The following KANK1 variants were observed in gnomAD, a reference collection of about 807,000 sequenced individuals.
KANK1 encodes KN motif and ankyrin repeat domain-containing protein 1.
Under a neutral mutation model 106.2 loss-of-function variants are expected in KANK1, and 109 were observed. That is an observed-to-expected ratio of 1.03 (90% CI 0.88 to 1.20). KANK1 has a LOEUF of 1.20. Among genes scored for constraint, KANK1 ranks in the 50% most tolerant of loss-of-function variants. The probability of loss-of-function intolerance (pLI) is 0.00; values close to 1 mark genes in which losing one functional copy is unlikely to be tolerated. For synonymous variants in KANK1, 873 were observed against 652.2 expected (o/e 1.34, Z -5.16); for missense variants, 2,399 against 1,710.7 (o/e 1.40, Z -7.10).
At chr9:741,029 CT>C in intron 9 of KANK1, 95 bp downstream of exon 9, 1 of 1,405,944 alleles carries the variant, frequency 7.1e-7, no homozygotes, top group Admixed American at 2.1e-5. Flanking sequence ...AGATGCCACG[CT>C]TCCACCACAG....
chr9:636,693 C>T (rs1168874855), intron 1 of KANK1, among the ~76,000 whole-genome samples: 1 of 152,102 alleles, frequency 6.6e-6, no homozygotes, highest in East Asian at 1.9e-4. Context: ...TAATGAAACC[C>T]CATATCTACT....
rs1020165368 is a variant in KANK1, at chr9:592,540, G to A, written c.-83-84350G>A. ...GTCTAAGTACGTTTTTTCATCCATCGCTCAGCCAGAATCTGCCGGTCAGAC... is the reference window on the plus strand; with the variant it reads ...GTCTAAGTACGTTTTTTCATCCATCACTCAGCCAGAATCTGCCGGTCAGAC... On this transcript the variant is annotated intron_variant, in intron 1 of 11. Coordinates refer to ENST00000382297, the MANE Select transcript of KANK1 (RefSeq NM_015158.5). Among the ~76,000 whole-genome samples the A allele has an allele frequency of 2.0e-5, 3 of 151,702 alleles. 1 individual carries two copies. The highest frequency in any genetic ancestry group is 4.9e-5 in the African/African-American group (2 of 41,036).
chr9:481,290 C>CA lies in KANK1; in HGVS notation c.-362+8021dup, dbSNP rs1355419120. Among the ~76,000 whole-genome samples the CA allele has an allele frequency of 4.1e-3, 559 of 137,214 alleles. 5 individuals are homozygous for CA. The highest frequency in any genetic ancestry group is 0.014 in the African/African-American group (502 of 36,232). 90.0% of individuals were successfully genotyped at this position (137,214 alleles called of 152,430 possible). On this transcript the variant is annotated intron_variant, in intron 3 of 15. Transcript: ENST00000382303. ...AGACTATCTGTATTTAAAAACAAAA[C>CA]AAAACAAAAAAAAACCCAAAAACAA...
chr9:660,212 C>T (rs1175959498), intron 1 of KANK1: 3 of 267,924 alleles, frequency 1.1e-5, no homozygotes, highest in South Asian at 5.0e-5. Flanking sequence ...TGTAATTGAG[C>T]ATCCAGAATA....
chr9:555,528 A>G (rs10113892), intron 1 of KANK1, among the ~76,000 whole-genome samples: 2 of 152,182 alleles, frequency 1.3e-5, no homozygotes, highest in African/African-American at 4.8e-5. Flanking sequence ...TAGTTTGTAT[A>G]TGATGGGGAT....
chr9:549,115 G>C (rs2134030279), intron 1 of KANK1: 1 of 151,476 alleles, frequency 6.6e-6, no homozygotes, highest in East Asian at 1.9e-4. Flanking sequence ...AGAAAAACAG[G>C]ACAAAGAAAC....
chr9:741,569 G>A (rs942102335), intron 9 of KANK1, among the ~76,000 whole-genome samples: 1 of 149,766 alleles, frequency 6.7e-6, no homozygotes, highest in Non-Finnish European at 1.5e-5. Context: ...CTCACTGGAA[G>A]CTCTGCCTCC....
intron 1 of KANK1, among the ~76,000 whole-genome samples, chr9:606,912 G>A (rs1191071622): frequency 1.3e-5 from 2 of 151,640 alleles, no homozygotes; most frequent in African/African-American, 4.9e-5. Flanking sequence ...AATGAGATAA[G>A]GCAGGCTACT....
chr9:526,272 TAGGAGCTGGTG>T (rs1465986799), intron 1 of KANK1, among the ~76,000 whole-genome samples: 1 of 151,504 alleles, frequency 6.6e-6, no homozygotes, highest in East Asian at 1.9e-4. Flanking sequence ...AGCCCACAGG[TAGGAGCTGGTG>T]GGCAGCACCA....
chr9:516,644 A>C (rs1307400294), intron 1 of KANK1, among the ~76,000 whole-genome samples: 1 of 151,582 alleles, frequency 6.6e-6, no homozygotes, highest in East Asian at 1.9e-4. Context: ...TGCAGTGCAG[A>C]GACACTGGCT....
chr9:552,189 G>C (rs931278243), intron 1 of KANK1, among the ~76,000 whole-genome samples: 3 of 152,216 alleles, frequency 2.0e-5, no homozygotes, highest in African/African-American at 7.2e-5. Flanking sequence ...GGTGCTCTGA[G>C]GGGGAAAAGC....
At position 658,603 on chromosome 9, in the gene KANK1, A is replaced by G. The variant is rs112271524; in HGVS notation, c.-83-18287A>G. Among the ~76,000 whole-genome samples, 168 of 151,996 alleles carry G rather than the reference A, an allele frequency of 1.1e-3. 1 individual carries two copies. The highest frequency in any genetic ancestry group is 3.9e-3 in the African/African-American group (160 of 41,440). ...GATCTTCTAGGTTTTCTTAAGTTTT[A>G]TAGTTTTTTTTTTAATTTTAGATTT... is the stretch of plus-strand genomic sequence containing the variant. On this transcript the variant is annotated intron_variant, in intron 1 of 11. Transcript: ENST00000382297.
At chr9:699,124 T>A (rs1217387093) in intron 2 of KANK1, among the ~76,000 whole-genome samples, 1 of 152,170 alleles carries the variant, frequency 6.6e-6, no homozygotes, top group African/African-American at 2.4e-5. Context: ...GTGGACTCCT[T>A]AGCTACCGCT....
chr9:578,219 G>A (rs1041847423), intron 1 of KANK1, among the ~76,000 whole-genome samples: 3 of 152,124 alleles, frequency 2.0e-5, no homozygotes, highest in Non-Finnish European at 2.9e-5. Context: ...TTCACCTTTT[G>A]TTTTATTTGC....
intron 1 of KANK1, among the ~76,000 whole-genome samples, chr9:655,054 G>A (rs186875038): frequency 1.3e-4 from 20 of 152,234 alleles, no homozygotes; most frequent in Admixed American, 1.0e-3. Context: ...ATTGGTCTTT[G>A]ATGAGACCTA....
At chr9:493,055 AC>A (rs1297467703) in intron 3 of KANK1, among the ~76,000 whole-genome samples, 1 of 150,486 alleles carries the variant, frequency 6.6e-6, no homozygotes, top group Non-Finnish European at 1.5e-5. Context: ...AGAAAAGAAA[AC>A]CAGCTGTGGC....
At chr9:735,782 T>C in intron 7 of KANK1, 1 of 415,984 alleles carries the variant, frequency 2.4e-6, no homozygotes, top group Non-Finnish European at 5.0e-6. Flanking sequence ...TCACATGAGG[T>C]CTGGAGTTCG....
At chr9:512,911 A>G (rs138234763) in intron 1 of KANK1, among the ~76,000 whole-genome samples, 6 of 152,050 alleles carry the variant, frequency 3.9e-5, no homozygotes, top group Admixed American at 3.9e-4. Flanking sequence ...TATTATTTTT[A>G]GTTGTCTTCT....
chr9:493,976 G>C (rs7029275), intron 3 of KANK1, among the ~76,000 whole-genome samples: 1 of 151,344 alleles, frequency 6.6e-6, no homozygotes, highest in Non-Finnish European at 1.5e-5. Flanking sequence ...TACACCTCCC[G>C]GGTTCAAGCG....
Sources: gnomAD v4.1 joint callset for allele counts (sites outside exome capture counted in the v4.1 genomes callset) on GRCh38, gnomAD v4.1.1 for gene constraint, MANE v1.5 for transcripts, NCBI Gene and HGNC (gene_info 2026-07-23, HGNC 2026-07-21) for gene names.